Variants in LAG3 observed in about 807,000 individuals in gnomAD.
LAG3 encodes lymphocyte activating 3, also known as lymphocyte activation gene 3 protein.
LAG3 carries 29 observed loss-of-function variants against 49.0 expected under a neutral mutation model. That is an observed-to-expected ratio of 0.59 (90% CI 0.44 to 0.81). LAG3 has a LOEUF of 0.81. Ranked by LOEUF, LAG3 falls within the 30% of genes least tolerant of loss-of-function variation. The pLI, the probability that LAG3 is intolerant of heterozygous loss-of-function variation, is 0.00. For missense variants in LAG3, 693 were observed against 695.2 expected, an observed-to-expected ratio of 1.00 and a Z score of 0.04; for synonymous variants, 320 against 297.3, an observed-to-expected ratio of 1.08 and a Z score of -0.79.
chr12:6,772,781 C>A lies in LAG3; in HGVS notation c.-72C>A. ...GCAGAACTTCTCCTTTACCCCCCACCCCCCACCACTGCCCCCTTTCCTTTT... is the reference window on the plus strand; with the variant it reads ...GCAGAACTTCTCCTTTACCCCCCACACCCCACCACTGCCCCCTTTCCTTTT... On this transcript the variant is annotated 5_prime_UTR_variant, in exon 1 of 8. Coordinates refer to ENST00000203629, the MANE Select transcript of LAG3 (RefSeq NM_002286.6). 3 of 1,067,622 alleles carry A rather than the reference C, an allele frequency of 2.8e-6. 1 individual carries two copies. The Admixed American group carries it at 6.4e-5, about 23-fold the overall frequency. The allele number at this position is 1,067,622 out of a possible 1,614,324, so 66.1% of individuals were successfully genotyped here. A position where few individuals can be genotyped will look rare whatever the true frequency, so the allele number is the denominator to read the frequency against.
rs1175767312 is a variant in LAG3 at position 6,777,768 on chromosome 12, C to T, written c.1301-23C>T. On this transcript the variant is annotated intron_variant, in intron 6 of 7. Transcript: ENST00000203629. ...GTCCTTTCTAGTCCTGACCCTATGC[C>T]TCATCCTGTACTTTCTCCATAGGTG... 7 of 1,613,346 alleles carry T rather than the reference C, an allele frequency of 4.3e-6. No individual in the cohort carries two copies. In the South Asian group the frequency reaches 5.5e-5, roughly 13 times the overall value.
intron 3 of LAG3, 66 bp from the exon 4 acceptor site, chr12:6,774,529 G>A: frequency 1.3e-6 from 2 of 1,535,562 alleles, no homozygotes; most frequent in Non-Finnish European, 1.8e-6. Flanking sequence ...CTTCCGGCTT[G>A]GCAGCCCTGC....
Position 6,773,837 on chromosome 12 carries a change from T to G in LAG3, c.347T>G (p.Leu116Arg). The G allele has an allele frequency of 7.1e-7, 1 of 1,410,844 alleles. No individual in the cohort carries two copies. The allele number at this position is 1,410,844 out of a possible 1,614,324, so 87.4% of individuals were successfully genotyped here. ...GGCCTGCGCAGCGGGAGGCTGCCCC[T>G]GCAGCCCCGCGTCCAGCTGGATGAG... ...PGGLRSGRLP[L>R]QPRVQLDERG... Residue 116 changes from leucine to arginine, a missense_variant, in exon 3 of 8, where the codon CTG becomes CGG. Transcript: ENST00000203629. This position sits in a 1 kb window ranked among gnomAD's most constrained non-coding sequence, Gnocchi z 5.5.
rs148559293 is a variant in LAG3, at chr12:6,775,447, G to C, written c.956G>C (p.Arg319Pro). The C allele has an allele frequency of 1.2e-6, 2 of 1,614,146 alleles. No homozygotes were observed. Among genetic ancestry groups the C allele is most frequent in the Non-Finnish European group, 1.7e-6 (2 of 1,180,028 alleles). The change falls in exon 5 of 8, where the codon CGA (arginine) becomes CCA (proline). Residue 319 changes from arginine (R) to proline (P), a missense_variant. By Grantham distance (103) the Arg-to-Pro change is moderately radical. Transcript: ENST00000203629. ...GGAGACAATGGCGACTTTACCCTTCGACTAGAGGATGTGAGCCAGGCCCAG... is the reference window on the plus strand; with the variant it reads ...GGAGACAATGGCGACTTTACCCTTCCACTAGAGGATGTGAGCCAGGCCCAG... ...VTGDNGDFTL[R>P]LEDVSQAQAG...
At chr12:6,778,059 C>A in intron 7 of LAG3, 138 bp downstream of exon 7, 1 of 1,382,898 alleles carries the variant, frequency 7.2e-7, no homozygotes, top group Non-Finnish European at 1.0e-6. Context: ...TCTTCATAAG[C>A]CTCTCACTCC....
chr12:6,774,979 T>A, intron 4 of LAG3, 115 bp downstream of exon 4: 1 of 1,058,152 alleles, frequency 9.5e-7, no homozygotes, highest in Non-Finnish European at 1.4e-6. Flanking sequence ...CCTACGTCAT[T>A]GCTGTGGGTC....
chr12:6,778,333 G>A lies in LAG3; in HGVS notation c.1521G>A (p.Glu507=), dbSNP rs1941931918. 6.2e-7 allele frequency: 1 copy of A among 1,612,892 alleles called. No individual in the cohort carries two copies. The highest frequency in any genetic ancestry group is 8.5e-7 in the Non-Finnish European group (1 of 1,179,664). Residue 507 remains glutamate (E), a synonymous_variant, in exon 8 of 8, where the codon GAG becomes GAA. Coordinates refer to ENST00000203629, the MANE Select transcript of LAG3 (RefSeq NM_002286.6). ...SKIEELEQEP[E]PEPEPEPEPE... is the part of the protein sequence containing the mutation. ...TAGAGGAGCTGGAGCAAGAACCGGA[G>A]CCGGAGCCGGAGCCGGAACCGGAGC...
chr12:6,774,851 C>T lies in LAG3; in HGVS notation c.768C>T (p.Asn256=). ...GCTTCAACGTCTCCATCATGTATAA[C>T]CTCACTGTTCTGGGTAACTCCCCCA... ...RDGFNVSIMY[N]LTVLGLEPPT... The change falls in exon 4 of 8, where the codon AAC becomes AAT. Residue 256 remains asparagine, a synonymous_variant. Coordinates refer to ENST00000203629, the MANE Select transcript of LAG3 (RefSeq NM_002286.6). 6.2e-7 allele frequency: 1 copy of T among 1,613,602 alleles called. No individual in the cohort carries two copies. Among genetic ancestry groups the T allele is most frequent in the Non-Finnish European group, 8.5e-7 (1 of 1,179,586 alleles).
Position 6,773,013 on chromosome 12 carries a change from T to G in LAG3, c.58+103T>G. On this transcript the variant is annotated intron_variant, in intron 1 of 7. Transcript: ENST00000203629. This position sits in a 1 kb window ranked among gnomAD's most constrained non-coding sequence, Gnocchi z 5.5. Reference sequence around the variant, plus strand: ...TCCTGAGGTCCTTAGCTCTGTGGATTCTTCTAATCCCTTTTTTGGGCAGTC... The same window carrying G: ...TCCTGAGGTCCTTAGCTCTGTGGATGCTTCTAATCCCTTTTTTGGGCAGTC... The G allele has an allele frequency of 3.5e-6, 5 of 1,418,196 alleles. No homozygotes were observed. In the South Asian group the frequency reaches 5.9e-5, roughly 17 times the overall value. The allele number at this position is 1,418,196 out of a possible 1,614,324, so 87.9% of individuals were successfully genotyped here. A position where few individuals can be genotyped will look rare whatever the true frequency, so the allele number is the denominator to read the frequency against.
Position 6,773,307 on chromosome 12 carries a change from A to G in LAG3, c.174A>G (p.Arg58=), listed in dbSNP as rs776952112. The G allele has an allele frequency of 1.2e-5, 19 of 1,613,696 alleles. No individual in the cohort carries two copies. In the African/African-American group the frequency reaches 1.6e-4, roughly 14 times the overall value. The part of the protein sequence containing the change: ...IPLQDLSLLR[R]AGVTWQHQPD... ...TCCAGGATCTCAGCCTTCTGCGAAG[A>G]GCAGGGGTCACTTGGCAGCATCAGC... Residue 58 remains arginine, a synonymous_variant, in exon 2 of 8, where the codon AGA becomes AGG. Transcript: ENST00000203629. The surrounding 1 kb of genome is among the most constrained non-coding windows in gnomAD (Gnocchi z 5.5).
Position 6,773,583 on chromosome 12 carries a change from G to C in LAG3, c.207-114G>C. 2.4e-6 allele frequency: 3 copies of C among 1,263,156 alleles called. No individual in the cohort carries two copies. Among genetic ancestry groups the C allele is most frequent in the Non-Finnish European group, 3.1e-6 (3 of 977,398 alleles). 78.2% of individuals were successfully genotyped at this position (1,263,156 alleles called of 1,614,324 possible). Reference sequence around the variant, plus strand: ...AGGGGTCGGGCGTGAGGGGACGGTTGGTGGTCAAGAGAACTCTTGGGGCGG... The same window carrying C: ...AGGGGTCGGGCGTGAGGGGACGGTTCGTGGTCAAGAGAACTCTTGGGGCGG... On this transcript the variant is annotated intron_variant, in intron 2 of 7. Transcript: ENST00000203629. This position sits in a 1 kb window ranked among gnomAD's most constrained non-coding sequence, Gnocchi z 5.5.
Position 6,777,281 on chromosome 12 carries a change from G to C in LAG3, c.1075G>C (p.Gly359Arg), listed in dbSNP as rs1347914446. 2 of 1,613,958 alleles carry C rather than the reference G, an allele frequency of 1.2e-6. No homozygotes were observed. Among genetic ancestry groups the C allele is most frequent in the Non-Finnish European group, 1.7e-6 (2 of 1,180,014 alleles). Residue 359 changes from glycine to arginine, a missense_variant, in exon 6 of 8, where the codon GGG becomes CGG. Transcript: ENST00000203629. ...AIITVTPKSF[G>R]SPGSLGKLLC... ...CTTTTCAGTGACTCCCAAATCCTTT[G>C]GGTCACCTGGATCCCTGGGGAAGCT...
intron 5 of LAG3, among the ~76,000 whole-genome samples, chr12:6,776,304 T>C (rs976444357): frequency 6.6e-6 from 1 of 152,178 alleles, no homozygotes; most frequent in African/African-American, 2.4e-5. Context: ...CCAATCCCCT[T>C]GCTGACTCAG....
In LAG3 at chr12:6,777,738, A is replaced by G. The variant is rs1163294003; in HGVS notation, c.1301-53A>G. Reference sequence around the variant, plus strand: ...CATCTGTAAAGTCTGAGAGAATGACAAAGTGTCCTTTCTAGTCCTGACCCT... The same window carrying G: ...CATCTGTAAAGTCTGAGAGAATGACGAAGTGTCCTTTCTAGTCCTGACCCT... On this transcript the variant is annotated intron_variant, in intron 6 of 7. Transcript: ENST00000203629. 24 of 1,597,448 alleles carry G rather than the reference A, an allele frequency of 1.5e-5. No individual in the cohort carries two copies. In the East Asian group the frequency reaches 4.9e-4, roughly 33 times the overall value.
In LAG3 at chr12:6,773,407, C is replaced by G; in HGVS notation, c.206+68C>G. On this transcript the variant is annotated intron_variant, in intron 2 of 7. Transcript: ENST00000203629. This position sits in a 1 kb window ranked among gnomAD's most constrained non-coding sequence, Gnocchi z 5.5. ...ACTCAACCCCACACCCGTGCCGGTC[C>G]TCTGTCCCCTGCCCTGAGGTGTCAC... 4 of 1,568,380 alleles carry G rather than the reference C, an allele frequency of 2.6e-6. No homozygotes were observed. Among genetic ancestry groups the G allele is most frequent in the Non-Finnish European group, 3.5e-6 (4 of 1,150,772 alleles).
chr12:6,774,576 C>T lies in LAG3; in HGVS notation c.512-19C>T. ...ATTGTTTCCAGTGGGCTGATGAAGTCTTCTTTATCCTTGCACAGTGACTGC... is the reference window on the plus strand; with the variant it reads ...ATTGTTTCCAGTGGGCTGATGAAGTTTTCTTTATCCTTGCACAGTGACTGC... On this transcript the variant is annotated intron_variant, in intron 3 of 7. Transcript: ENST00000203629. The T allele has an allele frequency of 6.2e-7, 1 of 1,603,642 alleles. No individual in the cohort carries two copies.
intron 7 of LAG3, 53 bp from the exon 8 acceptor site, chr12:6,778,191 T>G: frequency 6.6e-7 from 1 of 1,516,426 alleles, no homozygotes; most frequent in East Asian, 2.5e-5. Flanking sequence ...TCCGCTTCCC[T>G]TCATCCTTCT....
chr12:6,774,426 T>G (rs1287542175), intron 3 of LAG3, among the ~76,000 whole-genome samples, 169 bp from the exon 4 acceptor site: 2 of 152,056 alleles, frequency 1.3e-5, no homozygotes, highest in Non-Finnish European at 2.9e-5. Flanking sequence ...GGGATCCACT[T>G]TATGCACCTC....
At chr12:6,777,176 G>A (rs553408870) in intron 5 of LAG3, 88 bp from the exon 6 acceptor site, 1 of 1,507,518 alleles carries the variant, frequency 6.6e-7, no homozygotes, top group Non-Finnish European at 9.1e-7. Flanking sequence ...CCAAGTGAGT[G>A]CAGGGTGATT....
Sources: gnomAD v4.1 joint callset for allele counts (sites outside exome capture counted in the v4.1 genomes callset) on GRCh38, gnomAD v4.1.1 for gene constraint, Gnocchi (gnomAD v3.1) non-coding constraint, MANE v1.5 for transcripts, NCBI Gene and HGNC (gene_info 2026-07-23, HGNC 2026-07-21) for gene names.